GRAMD1C: variants seen among roughly 807,000 people sequenced by gnomAD.
GRAMD1C encodes protein Aster-C.
In GRAMD1C, 89 loss-of-function variants were observed where a neutral mutation model predicts 97.8. The ratio of observed to expected loss-of-function variants is 0.91; its 90% CI spans 0.77 to 1.09. The LOEUF (loss-of-function observed/expected upper bound fraction) is 1.09, where lower values mean the gene tolerates loss of function less well. Among genes scored for constraint, GRAMD1C ranks in the 50% least tolerant of loss-of-function variants. The probability of loss-of-function intolerance (pLI) is 0.00; values close to 1 mark genes in which losing one functional copy is unlikely to be tolerated. For synonymous variants in GRAMD1C, 256 were observed against 267.0 expected (o/e 0.96, Z 0.40); for missense variants, 740 against 766.4 (o/e 0.97, Z 0.41).
chr3:113,935,484 AG>A lies in GRAMD1C; in HGVS notation c.1457-781del, dbSNP rs1244813266. 3.7e-5 allele frequency among the ~76,000 whole-genome samples: 5 copies of A among 134,180 alleles called. No homozygotes were observed. The East Asian group carries it at 1.1e-3, about 29-fold the overall frequency. The allele number at this position is 134,180 out of a possible 152,430, so 88.0% of individuals were successfully genotyped here. On this transcript the variant is annotated intron_variant, in intron 13 of 17. Coordinates refer to ENST00000358160, the MANE Select transcript of GRAMD1C (RefSeq NM_017577.5). The stretch of plus-strand genomic sequence containing the variant: ...GGATATTTCTTAACATATACATGCG[AG>A]AAATATATATATATATACACACACA...
At chr3:113,855,234 C>T (rs736360) in intron 2 of GRAMD1C, among the ~76,000 whole-genome samples, 76,390 of 151,864 alleles carry the variant, frequency 0.5, 19,775 homozygotes, top group Middle Eastern at 0.67. Flanking sequence ...TTGCTTGAAA[C>T]CAGTAGGTGG....
At chr3:113,896,539 G>A (rs1279787900) in intron 6 of GRAMD1C, among the ~76,000 whole-genome samples, 1 of 152,154 alleles carries the variant, frequency 6.6e-6, no homozygotes, top group Non-Finnish European at 1.5e-5. Context: ...TACAGTTAAT[G>A]TATATTTTCT....
At chr3:113,828,991 C>T (rs914501031) in intron 1 of GRAMD1C, among the ~76,000 whole-genome samples, 8 of 152,202 alleles carry the variant, frequency 5.3e-5, no homozygotes, top group Non-Finnish European at 8.8e-5. Flanking sequence ...CTCACACTTT[C>T]ATTGGCCTTG....
At chr3:113,849,264 A>T (rs984505913) in intron 2 of GRAMD1C, among the ~76,000 whole-genome samples, 3 of 138,128 alleles carry the variant, frequency 2.2e-5, no homozygotes, top group Non-Finnish European at 3.2e-5. Context: ...AAGCTAGTTA[A>T]TATTTTATTT....
chr3:113,911,163 C>G (rs1402072189), intron 9 of GRAMD1C, among the ~76,000 whole-genome samples: 2 of 107,914 alleles, frequency 1.9e-5, no homozygotes, highest in African/African-American at 7.8e-5. Context: ...CAGGGAACAA[C>G]AGAGAGAGAG....
chr3:113,892,331 G>A (rs919974383), intron 6 of GRAMD1C, among the ~76,000 whole-genome samples: 3 of 151,994 alleles, frequency 2.0e-5, no homozygotes, highest in South Asian at 2.1e-4. Context: ...AATCAGCTGC[G>A]CGTGGTGGCA....
chr3:113,883,790 A>G (rs1197099071), intron 6 of GRAMD1C, among the ~76,000 whole-genome samples: 1 of 152,106 alleles, frequency 6.6e-6, no homozygotes, highest in Middle Eastern at 3.2e-3. Context: ...TAGACCTCGT[A>G]CAGAGGCCCA....
At chr3:113,920,278 G>A in intron 10 of GRAMD1C, 1 of 614,706 alleles carries the variant, frequency 1.6e-6, no homozygotes, top group Non-Finnish European at 2.7e-6. Flanking sequence ...GAAGATGGTT[G>A]CAGCTGTAGA....
chr3:113,866,460 A>G (rs1934591366), intron 2 of GRAMD1C, among the ~76,000 whole-genome samples: 2 of 152,150 alleles, frequency 1.3e-5, no homozygotes, highest in Admixed American at 6.6e-5. Context: ...CTTGTAGACA[A>G]AATATAGTTG....
chr3:113,875,734 T>A (rs1000667379), intron 4 of GRAMD1C, 147 bp downstream of exon 4: 7 of 558,598 alleles, frequency 1.3e-5, no homozygotes, highest in South Asian at 1.2e-4. Context: ...TACAAACGTG[T>A]TGTATATATA....
At chr3:113,918,838 G>A (rs916600097) in intron 10 of GRAMD1C, among the ~76,000 whole-genome samples, 4 of 152,110 alleles carry the variant, frequency 2.6e-5, no homozygotes, top group African/African-American at 9.7e-5. Context: ...GACCACAGGT[G>A]TGCACCACAA....
intron 8 of GRAMD1C, 28 bp from the exon 9 acceptor site, chr3:113,908,930 T>C: frequency 6.9e-7 from 1 of 1,452,022 alleles, no homozygotes. Flanking sequence ...CTGTGTTTTA[T>C]TTTGAAACTG....
intron 2 of GRAMD1C, 52 bp from the exon 3 acceptor site, chr3:113,869,455 T>C: frequency 1.2e-6 from 1 of 856,280 alleles, no homozygotes; most frequent in Admixed American, 2.2e-5. Flanking sequence ...ATTTATTTTC[T>C]AGGACACTAT....
intron 6 of GRAMD1C, chr3:113,885,936 C>G: frequency 6.2e-7 from 1 of 1,612,638 alleles, no homozygotes; most frequent in African/African-American, 1.3e-5. Flanking sequence ...CGACACAGCC[C>G]TTCTCAACCT....
intron 2 of GRAMD1C, among the ~76,000 whole-genome samples, chr3:113,861,459 C>T (rs190028050): frequency 3.9e-5 from 6 of 152,190 alleles, no homozygotes; most frequent in East Asian, 3.9e-4. Flanking sequence ...GTGCTATGAT[C>T]GTGCCTGTGA....
At chr3:113,854,168 G>T (rs973285866) in intron 2 of GRAMD1C, among the ~76,000 whole-genome samples, 1 of 151,972 alleles carries the variant, frequency 6.6e-6, no homozygotes, top group Admixed American at 6.6e-5. Context: ...CTGAGTTGGC[G>T]ATGCATGTTT....
At chr3:113,930,604 G>C in intron 10 of GRAMD1C, 110 bp from the exon 11 acceptor site, 1 of 646,142 alleles carries the variant, frequency 1.5e-6, no homozygotes, top group Non-Finnish European at 2.8e-6. Context: ...AAGGAAGTTA[G>C]CACTAGTCAA....
At position 113,838,892 on chromosome 3, in the gene GRAMD1C, G is replaced by A. The variant is rs116720766; in HGVS notation, c.-18G>A. ...GCGGTGCGCGCGGGGCGGTGCCGCG[G>A]CGGCGGAGGGAGCCGCGATGGAGGG... is the stretch of plus-strand genomic sequence containing the variant. On this transcript the variant is annotated 5_prime_UTR_variant, in exon 1 of 18. Transcript: ENST00000358160. 3,119 of 1,231,820 alleles carry A rather than the reference G, an allele frequency of 2.5e-3. 61 individuals are homozygous for A. In the African/African-American group the frequency reaches 0.044, roughly 17 times the overall value. The allele number at this position is 1,231,820 out of a possible 1,614,324, so 76.3% of individuals were successfully genotyped here.
chr3:113,916,940 G>A (rs937669999), intron 10 of GRAMD1C, among the ~76,000 whole-genome samples: 1 of 152,054 alleles, frequency 6.6e-6, no homozygotes, highest in Non-Finnish European at 1.5e-5. Context: ...CTCGAGCCCA[G>A]GAGTTTGAGA....
Sources: gnomAD v4.1 joint callset for allele counts (sites outside exome capture counted in the v4.1 genomes callset) on GRCh38, gnomAD v4.1.1 for gene constraint, MANE v1.5 for transcripts, NCBI Gene and HGNC (gene_info 2026-07-23, HGNC 2026-07-21) for gene names.